GMPPB: variants seen among roughly 807,000 people sequenced by gnomAD.
GMPPB encodes the protein mannose-1-phosphate guanylyltransferase catalytic subunit beta.
In GMPPB, 38 loss-of-function variants were observed where a neutral mutation model predicts 40.3. The observed-to-expected ratio is 0.94, with a 90% confidence interval of 0.73 to 1.24. The LOEUF is 1.24. Among genes scored for constraint, GMPPB ranks in the 50% most tolerant of loss-of-function variants. GMPPB has a pLI of 0.00. For synonymous variants in GMPPB, 193 were observed against 191.8 expected (o/e 1.01, Z -0.05); for missense variants, 436 against 487.1 (o/e 0.90, Z 0.99).
chr3:49,722,863 C>G, intron 4 of GMPPB, 109 bp from the exon 5 acceptor site: 2 of 1,491,320 alleles, frequency 1.3e-6, no homozygotes, highest in Non-Finnish European at 1.8e-6. Flanking sequence ...AAGATACATA[C>G]TGCACAGCTC....
At position 49,720,678 on chromosome 3, in the gene GMPPB, A is replaced by G. The variant is rs7634945; in HGVS notation, c.*1074T>C. 2.7e-3 allele frequency: 4,303 copies of G among 1,595,720 alleles called. 72 individuals carry two copies. The African/African-American group carries it at 0.039, about 15-fold the overall frequency. ...TGTGAGTGGGCTGGTGGGGCAGGTC[A>G]GGGAAATCTGGGGCTGGGTCGGGTC... On this transcript the variant is annotated 3_prime_UTR_variant, in exon 9 of 9. Coordinates refer to ENST00000308388, the MANE Select transcript of GMPPB (RefSeq NM_021971.4).
rs1485235413 is a variant in GMPPB at position 49,720,689 on chromosome 3, G to A, written c.*1063C>T. 6.3e-7 allele frequency: 1 copy of A among 1,596,134 alleles called. No homozygotes were observed. Among genetic ancestry groups the A allele is most frequent in the Non-Finnish European group, 8.6e-7 (1 of 1,166,568 alleles). On this transcript the variant is annotated 3_prime_UTR_variant, in exon 9 of 9. Coordinates refer to ENST00000308388, the MANE Select transcript of GMPPB (RefSeq NM_021971.4). ...TGGTGGGGCAGGTCAGGGAAATCTG[G>A]GGCTGGGTCGGGTCAGGAGCCTTAA...
Position 49,723,431 on chromosome 3 carries a change from C to G in GMPPB, c.171G>C (p.Ser57=). Reference sequence around the variant, plus strand: ...CCTTCATTTCCTTCTCCAGCACCTGCGACATGTAGCTCACGGCCAGGATCA... The same window carrying G: ...CCTTCATTTCCTTCTCCAGCACCTGGGACATGTAGCTCACGGCCAGGATCA... ...DHVILAVSYM[S]QVLEKEMKAQ... Residue 57 remains serine, a synonymous_variant, in exon 2 of 9, where the codon TCG becomes TCC. Coordinates refer to ENST00000308388, the MANE Select transcript of GMPPB (RefSeq NM_021971.4). The G allele has an allele frequency of 1.1e-5, 18 of 1,614,108 alleles. No individual in the cohort carries two copies. The highest frequency in any genetic ancestry group is 1.4e-5 in the Non-Finnish European group (17 of 1,180,036).
chr3:49,723,044 G>A lies in GMPPB; in HGVS notation c.330C>T (p.Asp110=), dbSNP rs11547261. 0.018 allele frequency: 29,022 copies of A among 1,613,370 alleles called. 334 individuals carry two copies. Among genetic ancestry groups the A allele is most frequent in the Non-Finnish European group, 0.022 (25,813 of 1,179,492 alleles). ...CTTGGAAGGGGAAATCGCAGATCAC[G>A]TCACTGTTGAGGACGAAGAAAGGGT... The part of the protein sequence containing the change: ...TADPFFVLNS[D]VICDFPFQAM... Residue 110 remains aspartate, a synonymous_variant, in exon 4 of 9, where the codon GAC becomes GAT. Coordinates refer to ENST00000308388, the MANE Select transcript of GMPPB (RefSeq NM_021971.4).
At chr3:49,722,933 G>A in intron 4 of GMPPB, 39 bp downstream of exon 4, 7 of 1,605,824 alleles carry the variant, frequency 4.4e-6, no homozygotes, top group Non-Finnish European at 6.0e-6. Flanking sequence ...TGGGCATGGA[G>A]GGTGAAAGTG....
intron 4 of GMPPB, 65 bp downstream of exon 4, chr3:49,722,907 A>G: frequency 6.4e-7 from 1 of 1,568,350 alleles, no homozygotes; most frequent in Non-Finnish European, 8.7e-7. Context: ...GATGAAGGCT[A>G]GGGGGCATGG....
rs1352139126 is a variant in GMPPB at position 49,720,172 on chromosome 3, C to T, written c.*1580G>A. The T allele has an allele frequency of 3.5e-5, 6 of 169,020 alleles. No homozygotes were observed. The highest frequency in any genetic ancestry group is 6.2e-5 in the Non-Finnish European group (5 of 80,956). The allele number at this position is 169,020 out of a possible 1,614,324, so 10.5% of individuals were successfully genotyped here. A position where few individuals can be genotyped will look rare whatever the true frequency, so the allele number is the denominator to read the frequency against. ...CTCTACTAAAAATACAACAATTAGC[C>T]GGGCGTGGTGGTGGGCGTCTGCAAT... On this transcript the variant is annotated 3_prime_UTR_variant, in exon 9 of 9. Coordinates refer to ENST00000308388, the MANE Select transcript of GMPPB (RefSeq NM_021971.4).
chr3:49,721,958 G>T lies in GMPPB; in HGVS notation c.951+7C>A, dbSNP rs973900671. On this transcript the variant is annotated splice_region_variant and intron_variant, in intron 8 of 8. Coordinates refer to ENST00000308388, the MANE Select transcript of GMPPB (RefSeq NM_021971.4). Reference sequence around the variant, plus strand: ...CTCTCCCCACCCAGCCCAGCCCACAGGCTTACCCACTGACCCACGCGGCAG... The same window carrying T: ...CTCTCCCCACCCAGCCCAGCCCACATGCTTACCCACTGACCCACGCGGCAG... 2 of 1,053,596 alleles carry T rather than the reference G, an allele frequency of 1.9e-6. No individual in the cohort carries two copies. Among genetic ancestry groups the T allele is most frequent in the African/African-American group, 3.3e-5 (2 of 60,762 alleles). 65.3% of individuals were successfully genotyped at this position (1,053,596 alleles called of 1,614,324 possible). A position where few individuals can be genotyped will look rare whatever the true frequency, so the allele number is the denominator to read the frequency against.
At position 49,723,290 on chromosome 3, in the gene GMPPB, T is replaced by G. The variant is rs752598051; in HGVS notation, c.223A>C (p.Ile75Leu). The G allele has an allele frequency of 1.9e-6, 3 of 1,614,170 alleles. No homozygotes were observed. The highest frequency in any genetic ancestry group is 2.5e-6 in the Non-Finnish European group (3 of 1,180,012). ...KAQEQRLGIR[I>L]SMSHEEEPLG... Reference sequence around the variant, plus strand: ...GGCTCCTCTTCATGGGACATGGAGATTCGGATTCCCAGCTGGAAGGAAGAG... The same window carrying G: ...GGCTCCTCTTCATGGGACATGGAGAGTCGGATTCCCAGCTGGAAGGAAGAG... Residue 75 changes from isoleucine to leucine, a missense_variant, in exon 3 of 9, where the codon ATC (isoleucine) becomes CTC (leucine). By Grantham distance (5) the Ile-to-Leu change is conservative. Transcript: ENST00000308388.
In GMPPB at chr3:49,721,958, G is replaced by GGCTT. The variant is rs1466444925; in HGVS notation, c.951+3_951+6dup. On this transcript the variant is annotated splice_region_variant and intron_variant, in intron 8 of 8. Transcript: ENST00000308388. ...CTCTCCCCACCCAGCCCAGCCCACA[G>GGCTT]GCTTACCCACTGACCCACGCGGCAG... The GGCTT allele has an allele frequency of 9.5e-7, 1 of 1,054,396 alleles. No individual in the cohort carries two copies. Among genetic ancestry groups the GGCTT allele is most frequent in the Admixed American group, 1.9e-5 (1 of 52,338 alleles). 65.3% of individuals were successfully genotyped at this position (1,054,396 alleles called of 1,614,324 possible).
chr3:49,722,801 C>A, intron 4 of GMPPB, 47 bp from the exon 5 acceptor site: 1 of 1,578,848 alleles, frequency 6.3e-7, no homozygotes, highest in Non-Finnish European at 8.6e-7. Flanking sequence ...TGTTCCTAAG[C>A]CTTGATACAC....
rs759826409 is a variant in GMPPB at position 49,721,000 on chromosome 3, C to T, written c.*752G>A. On this transcript the variant is annotated 3_prime_UTR_variant, in exon 9 of 9. Coordinates refer to ENST00000308388, the MANE Select transcript of GMPPB (RefSeq NM_021971.4). ...GCCAGGCATCCAACTCCAGCCCACC[C>T]TTCACTCTCCTCCCTGCAGCCCACC... 2 of 1,609,548 alleles carry T rather than the reference C, an allele frequency of 1.2e-6. No individual in the cohort carries two copies. Among genetic ancestry groups the T allele is most frequent in the Admixed American group, 3.3e-5 (2 of 59,886 alleles).
chr3:49,720,867 A>T lies in GMPPB; in HGVS notation c.*885T>A. On this transcript the variant is annotated 3_prime_UTR_variant, in exon 9 of 9. Coordinates refer to ENST00000308388, the MANE Select transcript of GMPPB (RefSeq NM_021971.4). ...AGATGCTGGCGCACCTGACCTCTGC[A>T]TCTGCCCAGGCAGCAGCTGCCTCCC... 1 of 1,614,148 alleles carries T rather than the reference A, an allele frequency of 6.2e-7. No individual in the cohort carries two copies. The highest frequency in any genetic ancestry group is 1.3e-5 in the African/African-American group (1 of 75,044).
chr3:49,722,214 C>T lies in GMPPB; in HGVS notation c.768+17G>A, dbSNP rs890684987. 7 of 1,609,836 alleles carry T rather than the reference C, an allele frequency of 4.3e-6. No individual in the cohort carries two copies. Among genetic ancestry groups the T allele is most frequent in the Non-Finnish European group, 5.1e-6 (6 of 1,177,338 alleles). ...CAAGACTGAGGGGGTTAATGATGGG[C>T]TGGGCAAGGGCCTCACCACCAGCAC... On this transcript the variant is annotated intron_variant, in intron 7 of 8. Coordinates refer to ENST00000308388, the MANE Select transcript of GMPPB (RefSeq NM_021971.4).
In GMPPB at chr3:49,721,150, A is replaced by G; in HGVS notation, c.*602T>C. ...TGGTGGTGGGGAGAGCAGTAGGTAC[A>G]TGCAGGGCAGTCCTCATCCCCTCCC... On this transcript the variant is annotated 3_prime_UTR_variant, in exon 9 of 9. Coordinates refer to ENST00000308388, the MANE Select transcript of GMPPB (RefSeq NM_021971.4). 1 of 1,614,126 alleles carries G rather than the reference A, an allele frequency of 6.2e-7. No homozygotes were observed. The highest frequency in any genetic ancestry group is 1.1e-5 in the South Asian group (1 of 91,080).
chr3:49,720,949 A>G lies in GMPPB; in HGVS notation c.*803T>C. ...GCCACTTGAATATGTGTGCACTCCT[A>G]CACAGGCACAACGGACATCCACATA... On this transcript the variant is annotated 3_prime_UTR_variant, in exon 9 of 9. Coordinates refer to ENST00000308388, the MANE Select transcript of GMPPB (RefSeq NM_021971.4). 6.2e-7 allele frequency: 1 copy of G among 1,609,220 alleles called. No individual in the cohort carries two copies. Among genetic ancestry groups the G allele is most frequent in the East Asian group, 2.2e-5 (1 of 44,782 alleles).
At position 49,723,320 on chromosome 3, in the gene GMPPB, C is replaced by A. The variant is rs900910772; in HGVS notation, c.211-18G>T. On this transcript the variant is annotated intron_variant, in intron 2 of 8. Transcript: ENST00000308388. The stretch of plus-strand genomic sequence containing the variant: ...ATTCCCAGCTGGAAGGAAGAGGCCC[C>A]CCCAGTCAGGTTCTACCAGGATGGG... The A allele has an allele frequency of 9.3e-6, 15 of 1,614,072 alleles. No homozygotes were observed. The highest frequency in any genetic ancestry group is 1.3e-5 in the Non-Finnish European group (15 of 1,180,020).
In GMPPB at chr3:49,721,715, G is replaced by A. The variant is rs763596393; in HGVS notation, c.*37C>T. Reference sequence around the variant, plus strand: ...TCAGGCCAGCACTCCCCTTGCTGATGGGAAAACCGGGGCTCGGCCAGCCCC... The same window carrying A: ...TCAGGCCAGCACTCCCCTTGCTGATAGGAAAACCGGGGCTCGGCCAGCCCC... On this transcript the variant is annotated 3_prime_UTR_variant, in exon 9 of 9. Coordinates refer to ENST00000308388, the MANE Select transcript of GMPPB (RefSeq NM_021971.4). The A allele has an allele frequency of 6.4e-7, 1 of 1,562,530 alleles. No homozygotes were observed. The highest frequency in any genetic ancestry group is 2.2e-5 in the East Asian group (1 of 44,662).
rs2108209575 is a variant in GMPPB at position 49,721,343 on chromosome 3, G to A, written c.*409C>T. The A allele has an allele frequency of 1.9e-6, 3 of 1,613,976 alleles. No homozygotes were observed. The highest frequency in any genetic ancestry group is 2.5e-6 in the Non-Finnish European group (3 of 1,179,956). On this transcript the variant is annotated 3_prime_UTR_variant, in exon 9 of 9. Transcript: ENST00000308388. ...GTGCCATCCTGGAACCTCCACCTTT[G>A]AACCCAGAGCCAGGCTGGGCCCTAT... is the stretch of plus-strand genomic sequence containing the variant.
Sources: allele counts gnomAD v4.1 joint callset, GRCh38; gene constraint gnomAD v4.1.1; transcripts MANE v1.5; gene names NCBI Gene and HGNC (gene_info 2026-07-23, HGNC 2026-07-21).